Variants in EHMT1 observed in about 807,000 individuals in gnomAD.
EHMT1 encodes the protein histone-lysine N-methyltransferase EHMT1.
EHMT1 carries 15 observed loss-of-function variants against 147.2 expected under a neutral mutation model. That is an observed-to-expected ratio of 0.10 (90% CI 0.07 to 0.16). The LOEUF (loss-of-function observed/expected upper bound fraction) is 0.16. EHMT1 is among the 10% of genes least tolerant of loss of function. The pLI, the probability that EHMT1 is intolerant of heterozygous loss-of-function variation, is 1.00. For missense variants in EHMT1, 1,587 were observed against 1,772.4 expected (o/e 0.90, Z 1.88); for synonymous variants, 795 against 709.6 (o/e 1.12, Z -1.91).
At chr9:137,687,457 G>C (rs777969243) in intron 1 of EHMT1, among the ~76,000 whole-genome samples, 1 of 152,086 alleles carries the variant, frequency 6.6e-6, no homozygotes, top group Non-Finnish European at 1.5e-5. Flanking sequence ...GAGAGTTGAG[G>C]TAGAGTTCAG....
chr9:137,680,867 A>G (rs990766395), intron 1 of EHMT1: 2 of 152,318 alleles, frequency 1.3e-5, no homozygotes, highest in African/African-American at 2.4e-5. Flanking sequence ...TCACTCACAG[A>G]TGAGCAGGGG....
At chr9:137,658,229 C>A (rs912781504) in intron 1 of EHMT1, among the ~76,000 whole-genome samples, 1 of 152,220 alleles carries the variant, frequency 6.6e-6, no homozygotes, top group African/African-American at 2.4e-5. Context: ...TGTCTCACTG[C>A]AGCCTCCGCC....
intron 1 of EHMT1, chr9:137,646,372 G>C (rs1159397976): frequency 4.1e-6 from 4 of 985,434 alleles, no homozygotes. Context: ...AGTTTGTGCT[G>C]CGGGCAAGAA....
chr9:137,781,640 A>G (rs1009862212), intron 14 of EHMT1, among the ~76,000 whole-genome samples: 1 of 152,214 alleles, frequency 6.6e-6, no homozygotes, highest in African/African-American at 2.4e-5. Context: ...GAGCCTTCCC[A>G]GTGATAATTT....
chr9:137,738,526 A>C (rs1947756654), intron 4 of EHMT1: 1 of 152,224 alleles, frequency 6.6e-6, no homozygotes, highest in Non-Finnish European at 1.5e-5. Flanking sequence ...GTGATCCAGC[A>C]GTTCCACTGC....
intron 1 of EHMT1, among the ~76,000 whole-genome samples, chr9:137,655,531 A>G (rs1215881430): frequency 6.6e-6 from 1 of 152,218 alleles, no homozygotes; most frequent in Non-Finnish European, 1.5e-5. Flanking sequence ...GTTCACAATA[A>G]TTACCATTTA....
At chr9:137,678,527 T>C (rs1294861443) in intron 1 of EHMT1, among the ~76,000 whole-genome samples, 1 of 152,194 alleles carries the variant, frequency 6.6e-6, no homozygotes, top group African/African-American at 2.4e-5. Flanking sequence ...CTGTCTGGTG[T>C]TCCTGTCTCG....
intron 14 of EHMT1, 136 bp downstream of exon 14, chr9:137,779,853 T>C: frequency 1.1e-6 from 1 of 931,140 alleles, no homozygotes; most frequent in Non-Finnish European, 1.7e-6. Flanking sequence ...AGTTCTCTGA[T>C]GAGTGAGAAT....
At chr9:137,726,291 G>T (rs989991300) in intron 3 of EHMT1, among the ~76,000 whole-genome samples, 48 of 152,122 alleles carry the variant, frequency 3.2e-4, no homozygotes, top group African/African-American at 1.1e-3. Flanking sequence ...CTCTCTCCCA[G>T]TCCCTGGCAA....
Position 137,744,057 on chromosome 9 carries a change from G to A in EHMT1, c.1137G>A (p.Lys379=). 6.2e-7 allele frequency: 1 copy of A among 1,614,152 alleles called. No homozygotes were observed. Among genetic ancestry groups the A allele is most frequent in the East Asian group, 2.2e-5 (1 of 44,884 alleles). ...CCACAGAGGACAGCAGGACTTCCAA[G>A]GAGAGCATGTCGGAGGCTGATCGCG... ...AFPTEDSRTS[K]ESMSEADRAQ... The change falls in exon 6 of 27, where the codon AAG becomes AAA. Residue 379 remains lysine, a synonymous_variant. Transcript: ENST00000460843.
At chr9:137,699,392 G>C (rs1943653543) in intron 1 of EHMT1, among the ~76,000 whole-genome samples, 1 of 152,128 alleles carries the variant, frequency 6.6e-6, no homozygotes, top group East Asian at 1.9e-4. Flanking sequence ...AAAATGTTGG[G>C]CCAGGCATGG....
Position 137,812,820 on chromosome 9 carries a change from A to G in EHMT1, c.2868-186A>G, listed in dbSNP as rs561067578. 1.1e-3 allele frequency among the ~76,000 whole-genome samples: 165 copies of G among 152,376 alleles called. 2 individuals carry two copies. The highest frequency in any genetic ancestry group is 2.7e-3 in the Admixed American group (41 of 15,312). On this transcript the variant is annotated intron_variant, in intron 19 of 26. Transcript: ENST00000460843. ...GTGAATGTGGGAGAGGAGGAAGGGA[A>G]TCATGTTCCTGGGTGAGCTAAAGCC... is the stretch of plus-strand genomic sequence containing the variant.
At chr9:137,824,299 C>G (rs1038285874) in intron 25 of EHMT1, among the ~76,000 whole-genome samples, 1 of 152,144 alleles carries the variant, frequency 6.6e-6, no homozygotes, top group Admixed American at 6.5e-5. Flanking sequence ...ACAGTTAATC[C>G]AGCACCACTA....
chr9:137,726,340 T>C (rs1361667413), intron 3 of EHMT1, among the ~76,000 whole-genome samples: 2 of 152,240 alleles, frequency 1.3e-5, no homozygotes, highest in Non-Finnish European at 1.5e-5. Flanking sequence ...TGGACGACTC[T>C]AGGGACCTCC....
At chr9:137,748,188 T>TA (rs1297147014) in intron 6 of EHMT1, among the ~76,000 whole-genome samples, 1 of 152,198 alleles carries the variant, frequency 6.6e-6, no homozygotes, top group Non-Finnish European at 1.5e-5. Context: ...TTCATGGAAT[T>TA]ACATGTGATG....
At chr9:137,724,958 C>CATTCCTGTGGCAGGTGTGTGGT (rs1459878744) in intron 3 of EHMT1, among the ~76,000 whole-genome samples, 2 of 147,882 alleles carry the variant, frequency 1.4e-5, no homozygotes, top group African/African-American at 5.0e-5. Context: ...AGGCGTGTGG[C>CATTCCTGTGGCAGGTGTGTGGT]ATTCATGGGG....
intron 10 of EHMT1, among the ~76,000 whole-genome samples, chr9:137,768,695 G>A (rs1438906623): frequency 8.0e-5 from 12 of 149,790 alleles, no homozygotes; most frequent in Non-Finnish European, 1.5e-4. Flanking sequence ...GACTACAGGC[G>A]CCCGCCACTA....
intron 4 of EHMT1, among the ~76,000 whole-genome samples, chr9:137,740,432 C>A (rs1474092532): frequency 6.6e-6 from 1 of 152,048 alleles, no homozygotes; most frequent in Non-Finnish European, 1.5e-5. Flanking sequence ...TCCAAAGAGG[C>A]CCTCGAGCCT....
chr9:137,690,211 T>C (rs571461024), intron 1 of EHMT1, among the ~76,000 whole-genome samples: 3 of 152,366 alleles, frequency 2.0e-5, no homozygotes, highest in Non-Finnish European at 2.9e-5. Flanking sequence ...GATTTGCCGA[T>C]GGACGTCATG....
Sources: allele counts gnomAD v4.1 joint callset (sites outside exome capture counted in the v4.1 genomes callset), GRCh38; gene constraint gnomAD v4.1.1; transcripts MANE v1.5; gene names NCBI Gene and HGNC (gene_info 2026-07-23, HGNC 2026-07-21).